CHODL: variants seen among roughly 807,000 people sequenced by gnomAD.
CHODL encodes transmembrane protein MT75.
Under a neutral mutation model 34.5 loss-of-function variants are expected in CHODL, and 29 were observed. That is an observed-to-expected ratio of 0.84 (90% CI 0.63 to 1.15). The LOEUF (loss-of-function observed/expected upper bound fraction) is 1.15. Ranked by LOEUF, CHODL falls within the 50% of genes most tolerant of loss-of-function variation. The pLI is 0.00. For missense variants in CHODL, 332 were observed against 332.5 expected (o/e 1.00, Z 0.01); for synonymous variants, 125 against 116.1 (o/e 1.08, Z -0.49).
At chr21:18,122,551 T>TTA (rs948452721) in intron 2 of CHODL, among the ~76,000 whole-genome samples, 3 of 151,772 alleles carry the variant, frequency 2.0e-5, no homozygotes, top group African/African-American at 7.3e-5. Context: ...CTGCTCAATT[T>TTA]TTTTTTTTAC....
intron 2 of CHODL, among the ~76,000 whole-genome samples, chr21:18,206,857 A>T (rs900702822): frequency 1.6e-5 from 2 of 123,128 alleles, no homozygotes; most frequent in African/African-American, 6.2e-5. Flanking sequence ...ATAATATCTT[A>T]TAACCCATTA....
intron 2 of CHODL, among the ~76,000 whole-genome samples, chr21:18,041,181 G>A (rs1320390781): frequency 1.3e-5 from 2 of 151,780 alleles, no homozygotes; most frequent in Admixed American, 6.6e-5. Context: ...ATTTGTTATC[G>A]GTGTTATTGG....
intron 2 of CHODL, among the ~76,000 whole-genome samples, chr21:18,161,293 G>A (rs368218200): frequency 7.7e-4 from 117 of 152,248 alleles, no homozygotes; most frequent in African/African-American, 2.6e-3. Context: ...TAGCTTGAAC[G>A]AAGAATCTTT....
chr21:17,984,586 G>C (rs1039479048), intron 1 of CHODL, among the ~76,000 whole-genome samples: 8 of 151,708 alleles, frequency 5.3e-5, no homozygotes, highest in Middle Eastern at 6.8e-3. Flanking sequence ...TTTCTAGTTT[G>C]GTGTTTGTCT....
intron 2 of CHODL, among the ~76,000 whole-genome samples, chr21:18,230,340 A>G (rs2073967858): frequency 6.6e-6 from 1 of 152,140 alleles, no homozygotes; most frequent in South Asian, 2.1e-4. Flanking sequence ...AGAAGAGATG[A>G]TTTTCAATGA....
intron 2 of CHODL, among the ~76,000 whole-genome samples, chr21:18,126,748 T>C (rs539134835): frequency 6.6e-6 from 1 of 152,290 alleles, no homozygotes; most frequent in South Asian, 2.1e-4. Context: ...CTTTCATAAA[T>C]TAAGAGGATT....
rs986987514 is a variant in CHODL, at chr21:18,266,424, T to C, written c.*386T>C. 5.5e-5 allele frequency: 16 copies of C among 291,544 alleles called. No homozygotes were observed. The highest frequency in any genetic ancestry group is 9.0e-5 in the Non-Finnish European group (14 of 155,448). The allele number at this position is 291,544 out of a possible 1,614,324, so 18.1% of individuals were successfully genotyped here. A position where few individuals can be genotyped will look rare whatever the true frequency, so the allele number is the denominator to read the frequency against. ...ATGTATATTGTATTGAAATTTACAG[T>C]GTGCAAAAGTATTTTACCTTTGCAT... On this transcript the variant is annotated 3_prime_UTR_variant, in exon 6 of 6. Coordinates refer to ENST00000299295, the MANE Select transcript of CHODL (RefSeq NM_024944.3).
intron 2 of CHODL, among the ~76,000 whole-genome samples, chr21:18,102,084 A>G (rs2065222131): frequency 6.6e-6 from 1 of 152,196 alleles, no homozygotes; most frequent in Non-Finnish European, 1.5e-5. Flanking sequence ...TAAGCTCAGA[A>G]TCATAAGAAA....
chr21:18,133,308 T>C (rs1228281798), intron 2 of CHODL, among the ~76,000 whole-genome samples: 2 of 152,188 alleles, frequency 1.3e-5, no homozygotes, highest in African/African-American at 2.4e-5. Context: ...CCTAGATATA[T>C]AATTATGTAA....
intron 2 of CHODL, among the ~76,000 whole-genome samples, chr21:18,120,192 T>C (rs952002438): frequency 1.1e-4 from 16 of 152,322 alleles, no homozygotes; most frequent in Admixed American, 3.3e-4. Flanking sequence ...GTATAAATTA[T>C]TGAGCTATGT....
chr21:18,248,323 C>A, intron 1 of CHODL, among the ~76,000 whole-genome samples: 1 of 151,468 alleles, frequency 6.6e-6, no homozygotes, highest in South Asian at 2.1e-4. Flanking sequence ...CTGAGCCTTT[C>A]TCAGCCTATG....
intron 1 of CHODL, among the ~76,000 whole-genome samples, chr21:18,247,962 G>A (rs764005281): frequency 6.6e-5 from 10 of 151,770 alleles, no homozygotes; most frequent in Non-Finnish European, 1.5e-4. Flanking sequence ...TGTTTGAAGA[G>A]CAAGTGATAC....
intron 2 of CHODL, among the ~76,000 whole-genome samples, chr21:18,198,070 C>T (rs1346854362): frequency 2.0e-5 from 3 of 152,148 alleles, no homozygotes; most frequent in Non-Finnish European, 2.9e-5. Flanking sequence ...AAATAGCAAG[C>T]TGAAAATTAT....
intron 1 of CHODL, among the ~76,000 whole-genome samples, chr21:17,941,122 C>G (rs890892726): frequency 9.9e-5 from 15 of 152,216 alleles, no homozygotes; most frequent in African/African-American, 3.1e-4. Context: ...CTGTTTCATT[C>G]TTGTCAGTCT....
At chr21:18,179,972 C>A (rs2073362678) in intron 2 of CHODL, among the ~76,000 whole-genome samples, 1 of 152,058 alleles carries the variant, frequency 6.6e-6, no homozygotes, top group Non-Finnish European at 1.5e-5. Flanking sequence ...TCTAGTGATA[C>A]CATAGCTCTG....
At chr21:18,000,094 G>A (rs2063891427) in intron 1 of CHODL, among the ~76,000 whole-genome samples, 2 of 152,146 alleles carry the variant, frequency 1.3e-5, no homozygotes, top group Non-Finnish European at 2.9e-5. Flanking sequence ...TAAAATAAGA[G>A]TTGCAAAATT....
chr21:17,948,874 G>A (rs2063433939), intron 1 of CHODL, among the ~76,000 whole-genome samples: 1 of 152,058 alleles, frequency 6.6e-6, no homozygotes, highest in African/African-American at 2.4e-5. Flanking sequence ...CAAAAAAATC[G>A]AAGAGGTAGA....
At chr21:18,021,561 A>G (rs1390771797) in intron 1 of CHODL, among the ~76,000 whole-genome samples, 2 of 152,248 alleles carry the variant, frequency 1.3e-5, no homozygotes, top group Admixed American at 1.3e-4. Flanking sequence ...TTAATAAATC[A>G]TCTACATATT....
At chr21:18,118,314 A>T (rs548905663) in intron 2 of CHODL, among the ~76,000 whole-genome samples, 31 of 152,282 alleles carry the variant, frequency 2.0e-4, no homozygotes, top group Non-Finnish European at 3.8e-4. Flanking sequence ...TAGCAGTTTG[A>T]ATGAGATGAA....
Sources: allele counts gnomAD v4.1 joint callset (sites outside exome capture counted in the v4.1 genomes callset), GRCh38; gene constraint gnomAD v4.1.1; transcripts MANE v1.5; gene names NCBI Gene and HGNC (gene_info 2026-07-23, HGNC 2026-07-21).